Variants in SUDS3 observed in about 807,000 individuals in gnomAD.
SUDS3 encodes the protein SIN3A corepressor complex component SDS3.
SUDS3 carries 23 observed loss-of-function variants against 53.5 expected under a neutral mutation model. The observed-to-expected ratio is 0.43, with a 90% confidence interval of 0.31 to 0.61. The LOEUF is 0.61. SUDS3 is among the 20% of genes least tolerant of loss of function. The probability of loss-of-function intolerance (pLI) is 0.10; values close to 1 mark genes in which losing one functional copy is unlikely to be tolerated. For synonymous variants in SUDS3, 150 were observed against 148.5 expected, an observed-to-expected ratio of 1.01 and a Z score of -0.08; for missense variants, 291 against 405.9, an observed-to-expected ratio of 0.72 and a Z score of 2.43.
rs1022980599 is a variant in SUDS3 at position 118,385,054 on chromosome 12, T to C, written c.268+987T>C. Among the ~76,000 whole-genome samples, 5 of 151,958 alleles carry C rather than the reference T, an allele frequency of 3.3e-5. No individual in the cohort carries two copies. In the East Asian group the frequency reaches 9.6e-4, roughly 29 times the overall value. On this transcript the variant is annotated intron_variant, in intron 3 of 11. Coordinates refer to ENST00000543473, the MANE Select transcript of SUDS3 (RefSeq NM_022491.3). ...TCCTGGGGACAGTTAGCTGTGGCAG[T>C]GAGCTCTTCGGTTTCATATTGTGGA...
chr12:118,402,143 C>T (rs2141382858), intron 9 of SUDS3, 139 bp downstream of exon 9: 1 of 879,232 alleles, frequency 1.1e-6, no homozygotes, highest in Non-Finnish European at 1.8e-6. Flanking sequence ...ATCATGAAAA[C>T]TGAAGGGGAC....
Position 118,415,783 on chromosome 12 carries a change from T to TG in SUDS3, c.*1356dup, listed in dbSNP as rs151190913. On this transcript the variant is annotated 3_prime_UTR_variant, in exon 12 of 12. Transcript: ENST00000543473. ...TTGATGTACATACCCCCAAGCAAGT[T>TG]GGGGGGACTGTGATGACAATTAAAT... 1 of 151,964 alleles carries TG rather than the reference T, an allele frequency of 6.6e-6. No individual in the cohort carries two copies. The highest frequency in any genetic ancestry group is 2.4e-5 in the African/African-American group (1 of 41,374). The allele number at this position is 151,964 out of a possible 1,614,324, so 9.4% of individuals were successfully genotyped here.
At chr12:118,379,416 G>A (rs1287438004) in intron 1 of SUDS3, among the ~76,000 whole-genome samples, 4 of 152,100 alleles carry the variant, frequency 2.6e-5, no homozygotes, top group South Asian at 4.1e-4. Flanking sequence ...CAGCCTGGGC[G>A]ACAGAGTGAG....
At chr12:118,379,034 A>G (rs959164817) in intron 1 of SUDS3, among the ~76,000 whole-genome samples, 1 of 148,628 alleles carries the variant, frequency 6.7e-6, no homozygotes, top group Non-Finnish European at 1.5e-5. Context: ...CTGGTCTGGA[A>G]CTCCTGTCCT....
At chr12:118,391,333 T>TGAA (rs1447039485) in intron 6 of SUDS3, 51 bp downstream of exon 6, 1 of 1,548,166 alleles carries the variant, frequency 6.5e-7, no homozygotes, top group African/African-American at 1.4e-5. Context: ...CGGGGGGGTG[T>TGAA]GAAGGGCTGT....
At chr12:118,414,243 T>G in intron 11 of SUDS3, 92 bp from the exon 12 acceptor site, 2 of 908,900 alleles carry the variant, frequency 2.2e-6, no homozygotes, top group Non-Finnish European at 1.7e-6. Context: ...GCCTTCTGCT[T>G]GCATCTCACT....
intron 9 of SUDS3, among the ~76,000 whole-genome samples, chr12:118,403,023 G>A (rs749436789): frequency 2.0e-5 from 3 of 152,172 alleles, no homozygotes; most frequent in Non-Finnish European, 4.4e-5. Flanking sequence ...CTCCCAAAAT[G>A]CTGGAATCAC....
chr12:118,400,720 C>T lies in SUDS3; in HGVS notation c.579C>T (p.Val193=), dbSNP rs1187708028. The change falls in exon 7 of 12, where the codon GTC becomes GTT. Residue 193 remains valine (V), a synonymous_variant. Coordinates refer to ENST00000543473, the MANE Select transcript of SUDS3 (RefSeq NM_022491.3). ...RKLRRRPNDP[V]PIPDKRRKPA... ...TGCGGAGGCGACCAAATGATCCCGTCCCCATCCCAGACAAGAGGAGGAAAC... is the reference window on the plus strand; with the variant it reads ...TGCGGAGGCGACCAAATGATCCCGTTCCCATCCCAGACAAGAGGAGGAAAC... The T allele has an allele frequency of 6.2e-7, 1 of 1,613,990 alleles. No homozygotes were observed. Among genetic ancestry groups the T allele is most frequent in the East Asian group, 2.2e-5 (1 of 44,882 alleles).
At chr12:118,385,476 G>C (rs76625468) in intron 3 of SUDS3, among the ~76,000 whole-genome samples, 1 of 152,122 alleles carries the variant, frequency 6.6e-6, no homozygotes, top group South Asian at 2.1e-4. Context: ...ACTAGCCCAT[G>C]GTCAGGCATT....
chr12:118,401,734 C>T, intron 7 of SUDS3, 25 bp from the exon 8 acceptor site: 3 of 1,596,140 alleles, frequency 1.9e-6, no homozygotes, highest in African/African-American at 1.3e-5. Flanking sequence ...GTACTTTTCA[C>T]ATACAGTCCT....
chr12:118,390,396 G>A (rs2046154306), intron 5 of SUDS3, among the ~76,000 whole-genome samples: 2 of 152,200 alleles, frequency 1.3e-5, no homozygotes, highest in Non-Finnish European at 2.9e-5. Context: ...ACTCTGTGCT[G>A]TGATACAGAG....
chr12:118,410,580 T>TTTTA lies in SUDS3; in HGVS notation c.804-465_804-462dup, dbSNP rs376070753. 9.6e-3 allele frequency among the ~76,000 whole-genome samples: 1,283 copies of TTTTA among 133,580 alleles called. 8 individuals are homozygous for TTTTA. Among genetic ancestry groups the TTTTA allele is most frequent in the African/African-American group, 0.025 (839 of 33,444 alleles). The allele number at this position is 133,580 out of a possible 152,430, so 87.6% of individuals were successfully genotyped here. ...CTTTATTTATTTATTTATTTATTTA[T>TTTTA]TTTATTTATTTATTTATTTATTTAT... is the stretch of plus-strand genomic sequence containing the variant. On this transcript the variant is annotated intron_variant, in intron 10 of 11. Coordinates refer to ENST00000543473, the MANE Select transcript of SUDS3 (RefSeq NM_022491.3).
Position 118,417,279 on chromosome 12 carries a change from C to T in SUDS3, c.*2846C>T, listed in dbSNP as rs2141402112. On this transcript the variant is annotated 3_prime_UTR_variant, in exon 12 of 12. Transcript: ENST00000543473. ...CCCAGAGGCTGATCTGCAAATCAAGCTACATGTATTTGTGTATAAGACCCT... is the reference window on the plus strand; with the variant it reads ...CCCAGAGGCTGATCTGCAAATCAAGTTACATGTATTTGTGTATAAGACCCT... The T allele has an allele frequency of 6.6e-6, 1 of 152,248 alleles. No homozygotes were observed. The highest frequency in any genetic ancestry group is 2.1e-4 in the South Asian group (1 of 4,822). The allele number at this position is 152,248 out of a possible 1,614,324, so 9.4% of individuals were successfully genotyped here.
intron 5 of SUDS3, among the ~76,000 whole-genome samples, chr12:118,390,682 G>T (rs74424823): frequency 6.6e-6 from 1 of 152,140 alleles, no homozygotes; most frequent in Non-Finnish European, 1.5e-5. Flanking sequence ...TACAATTTTT[G>T]TCTTAGTATA....
intron 1 of SUDS3, 47 bp downstream of exon 1, chr12:118,376,880 C>T: frequency 1.4e-6 from 1 of 715,102 alleles, no homozygotes; most frequent in Non-Finnish European, 2.0e-6. Context: ...GGTGGGACCG[C>T]TGGGGGAGGG....
At chr12:118,377,649 A>G (rs893146530) in intron 1 of SUDS3, among the ~76,000 whole-genome samples, 3 of 151,958 alleles carry the variant, frequency 2.0e-5, no homozygotes, top group Non-Finnish European at 4.4e-5. Context: ...ACTGGGCTTT[A>G]TAATTTGGCA....
chr12:118,400,775 T>C, intron 7 of SUDS3, 21 bp downstream of exon 7: 1 of 1,608,728 alleles, frequency 6.2e-7, no homozygotes, highest in East Asian at 2.2e-5. Context: ...ACATCAAGCC[T>C]TAACCGCCTT....
In SUDS3 at chr12:118,401,824, C is replaced by T. The variant is rs780523622; in HGVS notation, c.675+4C>T. Reference sequence around the variant, plus strand: ...GGATCTGAGAACATTAAATAAGGTACGGTTTGACTTTTTTGATTTATTTGA... The same window carrying T: ...GGATCTGAGAACATTAAATAAGGTATGGTTTGACTTTTTTGATTTATTTGA... On this transcript the variant is annotated splice_donor_region_variant and intron_variant, in intron 8 of 11. Transcript: ENST00000543473. 2.4e-5 allele frequency: 39 copies of T among 1,613,260 alleles called. 1 individual carries two copies. The highest frequency in any genetic ancestry group is 6.7e-5 in the Admixed American group (4 of 59,972).
chr12:118,407,718 TG>T (rs1351641498), intron 10 of SUDS3, among the ~76,000 whole-genome samples: 8 of 148,640 alleles, frequency 5.4e-5, no homozygotes, highest in South Asian at 2.1e-4. Context: ...GTGTTATTTT[TG>T]GTTTTTTTTT....
Sources: allele counts gnomAD v4.1 joint callset (sites outside exome capture counted in the v4.1 genomes callset), GRCh38; gene constraint gnomAD v4.1.1; transcripts MANE v1.5; gene names NCBI Gene and HGNC (gene_info 2026-07-23, HGNC 2026-07-21).